CCDC172: variants seen among roughly 807,000 people sequenced by gnomAD.
The protein encoded by CCDC172 is coiled-coil domain-containing protein 172.
A neutral mutation model predicts 38.0 loss-of-function variants in CCDC172; 30 were observed. That is an observed-to-expected ratio of 0.79 (90% CI 0.59 to 1.07). CCDC172 has a LOEUF of 1.07. Among genes scored for constraint, CCDC172 ranks in the 50% least tolerant of loss-of-function variants. CCDC172 has a pLI of 0.00. For synonymous variants in CCDC172, 78 were observed against 88.3 expected (o/e 0.88, Z 0.66); for missense variants, 297 against 290.1 (o/e 1.02, Z -0.17).
intron 7 of CCDC172, among the ~76,000 whole-genome samples, chr10:116,359,367 A>C (rs1205335268): frequency 2.0e-5 from 3 of 152,220 alleles, no homozygotes; most frequent in African/African-American, 7.2e-5. Context: ...GTTCAAATGT[A>C]TATGGAATTC....
At chr10:116,351,646 T>C (rs868390872) in intron 5 of CCDC172, among the ~76,000 whole-genome samples, 2 of 152,134 alleles carry the variant, frequency 1.3e-5, no homozygotes, top group African/African-American at 2.4e-5. Context: ...TTTATGGAAT[T>C]TTCCCTTCTA....
intron 7 of CCDC172, among the ~76,000 whole-genome samples, chr10:116,374,065 G>A (rs1254910466): frequency 6.6e-6 from 1 of 152,010 alleles, no homozygotes; most frequent in Non-Finnish European, 1.5e-5. Context: ...TTCTTCCCTG[G>A]ACATAAATCA....
chr10:116,339,037 C>CA (rs1844763482), intron 3 of CCDC172, among the ~76,000 whole-genome samples: 1 of 151,992 alleles, frequency 6.6e-6, no homozygotes, highest in Non-Finnish European at 1.5e-5. Flanking sequence ...AGCAGTAACT[C>CA]AGAGTTAGGT....
At chr10:116,345,017 T>C (rs1264292492) in intron 5 of CCDC172, among the ~76,000 whole-genome samples, 1 of 152,148 alleles carries the variant, frequency 6.6e-6, no homozygotes, top group African/African-American at 2.4e-5. Context: ...ACAATGCCTT[T>C]GTATATGGAA....
At chr10:116,336,709 A>G (rs986060466) in intron 3 of CCDC172, among the ~76,000 whole-genome samples, 7 of 151,930 alleles carry the variant, frequency 4.6e-5, no homozygotes, top group Non-Finnish European at 7.4e-5. Context: ...AAAATTGCCT[A>G]TTATGCTATG....
chr10:116,360,653 G>A (rs1208061651), intron 7 of CCDC172, among the ~76,000 whole-genome samples: 3 of 152,056 alleles, frequency 2.0e-5, no homozygotes, highest in African/African-American at 4.8e-5. Context: ...TCTGATCGGT[G>A]AATCTGGAAA....
intron 7 of CCDC172, among the ~76,000 whole-genome samples, chr10:116,367,291 G>A (rs1372142409): frequency 6.6e-6 from 1 of 152,106 alleles, no homozygotes; most frequent in Admixed American, 6.5e-5. Context: ...AAATGTATGA[G>A]GTGATGGATA....
At chr10:116,324,846 G>C in intron 1 of CCDC172, 101 bp from the exon 2 acceptor site, 1 of 625,452 alleles carries the variant, frequency 1.6e-6, no homozygotes, top group South Asian at 1.9e-5. Context: ...ACCGTCTGGC[G>C]TCGGGCTCCA....
intron 5 of CCDC172, among the ~76,000 whole-genome samples, chr10:116,354,233 G>A (rs1844966255): frequency 6.6e-6 from 1 of 152,040 alleles, no homozygotes; most frequent in Non-Finnish European, 1.5e-5. Flanking sequence ...ATAAAATTAT[G>A]TACAGTACAT....
chr10:116,351,820 G>A (rs1381920977), intron 5 of CCDC172, among the ~76,000 whole-genome samples: 1 of 152,156 alleles, frequency 6.6e-6, no homozygotes. Flanking sequence ...AGCACTGGGA[G>A]GAGGAACTTA....
intron 5 of CCDC172, among the ~76,000 whole-genome samples, chr10:116,342,788 T>C (rs1429008455): frequency 6.6e-6 from 1 of 152,104 alleles, no homozygotes; most frequent in East Asian, 1.9e-4. Context: ...ATCATGAGAT[T>C]TGGTTGTTTA....
intron 5 of CCDC172, among the ~76,000 whole-genome samples, chr10:116,349,782 C>T (rs1296453206): frequency 1.3e-5 from 2 of 152,040 alleles, no homozygotes; most frequent in South Asian, 2.1e-4. Context: ...CCCCATGGAG[C>T]CTACATTCCA....
chr10:116,375,709 G>A (rs182772930), intron 7 of CCDC172, among the ~76,000 whole-genome samples: 1 of 152,194 alleles, frequency 6.6e-6, no homozygotes, highest in East Asian at 1.9e-4. Context: ...CCATCAAAAA[G>A]TGGGCCAAGG....
At chr10:116,373,076 C>T (rs906730879) in intron 7 of CCDC172, among the ~76,000 whole-genome samples, 1 of 151,882 alleles carries the variant, frequency 6.6e-6, no homozygotes, top group Non-Finnish European at 1.5e-5. Context: ...TGGAGCTATG[C>T]AAAGAAATAA....
intron 3 of CCDC172, among the ~76,000 whole-genome samples, chr10:116,325,914 G>A (rs1169536465): frequency 6.6e-6 from 1 of 152,204 alleles, no homozygotes; most frequent in African/African-American, 2.4e-5. Flanking sequence ...AGAAGCAAGA[G>A]AGTCTGATGG....
chr10:116,353,593 T>C (rs1180899908), intron 5 of CCDC172, among the ~76,000 whole-genome samples: 1 of 152,152 alleles, frequency 6.6e-6, no homozygotes, highest in Non-Finnish European at 1.5e-5. Flanking sequence ...AAAAAAGCTA[T>C]ACAAAGCCAC....
In CCDC172 at chr10:116,326,797, T is replaced by C. The variant is rs147878394; in HGVS notation, c.165+1409T>C. Among the ~76,000 whole-genome samples, 480 of 152,292 alleles carry C rather than the reference T, an allele frequency of 3.2e-3. 1 individual carries two copies. The highest frequency in any genetic ancestry group is 0.011 in the African/African-American group (466 of 41,558). ...AGTATACAGTAGTGTGTTGAAAGAA[T>C]TGAGTACTAATAGTTTGATAGATAA... On this transcript the variant is annotated intron_variant, in intron 3 of 8. Coordinates refer to ENST00000333254, the MANE Select transcript of CCDC172 (RefSeq NM_198515.3).
At chr10:116,371,159 T>C (rs1845181831) in intron 7 of CCDC172, among the ~76,000 whole-genome samples, 1 of 151,858 alleles carries the variant, frequency 6.6e-6, no homozygotes, top group Non-Finnish European at 1.5e-5. Context: ...CCAGCAATAA[T>C]ATGCTTACTT....
intron 7 of CCDC172, among the ~76,000 whole-genome samples, chr10:116,368,198 A>G (rs997029154): frequency 1.3e-5 from 2 of 152,096 alleles, no homozygotes; most frequent in African/African-American, 2.4e-5. Flanking sequence ...CTATTTTTCC[A>G]TTGGTAGTAC....
Sources: gnomAD v4.1 joint callset for allele counts (sites outside exome capture counted in the v4.1 genomes callset) on GRCh38, gnomAD v4.1.1 for gene constraint, MANE v1.5 for transcripts, NCBI Gene and HGNC (gene_info 2026-07-23, HGNC 2026-07-21) for gene names.